EXOC6B: variants seen among roughly 807,000 people sequenced by gnomAD.
EXOC6B encodes SEC15 homolog B.
In EXOC6B, 54 loss-of-function variants were observed where a neutral mutation model predicts 113.5. The ratio of observed to expected loss-of-function variants is 0.48; its 90% confidence interval spans 0.38 to 0.60. The LOEUF is 0.60. Among genes scored for constraint, EXOC6B ranks in the 20% least tolerant of loss-of-function variants. The probability of loss-of-function intolerance (pLI) is 0.00; values close to 1 mark genes in which losing one functional copy is unlikely to be tolerated. For synonymous variants in EXOC6B, 357 were observed against 339.0 expected (o/e 1.05, Z -0.58); for missense variants, 797 against 977.5 (o/e 0.82, Z 2.46).
intron 1 of EXOC6B, among the ~76,000 whole-genome samples, chr2:72,809,307 A>C (rs1685749646): frequency 6.6e-6 from 1 of 152,222 alleles, no homozygotes; most frequent in Non-Finnish European, 1.5e-5. Context: ...TTTATAAAAC[A>C]ATACAAGTAT....
At chr2:72,635,597 A>G (rs1672760478) in intron 6 of EXOC6B, among the ~76,000 whole-genome samples, 1 of 152,226 alleles carries the variant, frequency 6.6e-6, no homozygotes, top group South Asian at 2.1e-4. Flanking sequence ...CTCCAGGTGC[A>G]TATGGTTTCA....
intron 8 of EXOC6B, among the ~76,000 whole-genome samples, chr2:72,534,019 G>A (rs1702150351): frequency 6.6e-6 from 1 of 152,158 alleles, no homozygotes; most frequent in East Asian, 1.9e-4. Context: ...AAACCATCAA[G>A]TGAATATTAG....
chr2:72,335,548 GCACACACACACACA>G (rs70963124), intron 19 of EXOC6B, among the ~76,000 whole-genome samples: 356 of 134,990 alleles, frequency 2.6e-3, no homozygotes, highest in African/African-American at 5.8e-3. Context: ...CTGCATTATT[GCACACACACACACA>G]CACACACACA....
chr2:72,323,549 G>A lies in EXOC6B; in HGVS notation c.2196+11398C>T, dbSNP rs150797489. ...ACACATACACGTGTATGTTTATTGC[G>A]GCACTATTCACAATAGCAAAGACTT... On this transcript the variant is annotated intron_variant, in intron 20 of 21. Coordinates refer to ENST00000272427, the MANE Select transcript of EXOC6B (RefSeq NM_015189.3). 6.6e-3 allele frequency among the ~76,000 whole-genome samples: 1,000 copies of A among 152,026 alleles called. 14 individuals are homozygous for A. Among genetic ancestry groups the A allele is most frequent in the African/African-American group, 0.023 (961 of 41,454 alleles).
At chr2:72,806,802 T>C (rs1252327068) in intron 1 of EXOC6B, among the ~76,000 whole-genome samples, 1 of 152,246 alleles carries the variant, frequency 6.6e-6, no homozygotes, top group Admixed American at 6.5e-5. Flanking sequence ...GCTTTTTTTT[T>C]TCATATGCTT....
At chr2:72,432,843 C>T (rs1314233247) in intron 18 of EXOC6B, among the ~76,000 whole-genome samples, 3 of 151,842 alleles carry the variant, frequency 2.0e-5, no homozygotes, top group Non-Finnish European at 4.4e-5. Context: ...CAAAAATTTT[C>T]TCCCATTCTG....
chr2:72,179,795 C>T (rs371555568), intron 21 of EXOC6B, among the ~76,000 whole-genome samples: 2 of 152,164 alleles, frequency 1.3e-5, no homozygotes, highest in East Asian at 1.9e-4. Context: ...CAGGGAACAG[C>T]TCTGCTGGTC....
intron 6 of EXOC6B, among the ~76,000 whole-genome samples, chr2:72,599,734 T>C (rs566626232): frequency 3.2e-4 from 48 of 152,218 alleles, no homozygotes; most frequent in African/African-American, 1.1e-3. Context: ...CAAAAGTCAG[T>C]TGCTTTACTA....
intron 1 of EXOC6B, among the ~76,000 whole-genome samples, chr2:72,819,103 A>G (rs992554023): frequency 6.6e-6 from 1 of 152,216 alleles, no homozygotes; most frequent in African/African-American, 2.4e-5. Context: ...ATTGCTCAAT[A>G]TTGAATGAAT....
At chr2:72,593,056 C>T (rs990453901) in intron 6 of EXOC6B, among the ~76,000 whole-genome samples, 3 of 151,806 alleles carry the variant, frequency 2.0e-5, no homozygotes, top group Admixed American at 6.6e-5. Flanking sequence ...ATGGAACCTC[C>T]AAAAAAACCG....
chr2:72,819,459 A>G (rs1013738894), intron 1 of EXOC6B, among the ~76,000 whole-genome samples: 1 of 152,160 alleles, frequency 6.6e-6, no homozygotes, highest in Non-Finnish European at 1.5e-5. Context: ...GTATATCACA[A>G]TCACCTGAAG....
At chr2:72,621,238 A>G (rs57192957) in intron 6 of EXOC6B, among the ~76,000 whole-genome samples, 33,127 of 152,114 alleles carry the variant, frequency 0.22, 5,907 homozygotes, top group African/African-American at 0.49. Context: ...ACAATAGTAA[A>G]GACATGGAAT....
chr2:72,304,482 C>T (rs6723136), intron 20 of EXOC6B, among the ~76,000 whole-genome samples: 37,252 of 152,064 alleles, frequency 0.24, 9,333 homozygotes, highest in African/African-American at 0.65. Context: ...CACTAGATAT[C>T]ATGGATTAAA....
In EXOC6B at chr2:72,825,827, A is replaced by G; in HGVS notation, c.84T>C (p.Thr28=). Reference sequence around the variant, plus strand: ...GCGTGGGCCCGATGCAGGCCGTGTCAGTGCTCTCGATCTCTCGCAGGATCC... The same window carrying G: ...GCGTGGGCCCGATGCAGGCCGTGTCGGTGCTCTCGATCTCTCGCAGGATCC... ...HERILREIES[T]DTACIGPTLR... Residue 28 remains threonine (T), a synonymous_variant, in exon 1 of 22, where the codon ACT becomes ACC. Coordinates refer to ENST00000272427, the MANE Select transcript of EXOC6B (RefSeq NM_015189.3). The surrounding 1 kb of genome is among the most constrained non-coding windows in gnomAD (Gnocchi z 4.4). The G allele has an allele frequency of 6.2e-7, 1 of 1,613,322 alleles. No individual in the cohort carries two copies. The highest frequency in any genetic ancestry group is 1.1e-5 in the South Asian group (1 of 91,082).
At chr2:72,741,602 G>A in intron 1 of EXOC6B, 133 bp from the exon 2 acceptor site, 1 of 648,478 alleles carries the variant, frequency 1.5e-6, no homozygotes. Context: ...ATGCCTTATT[G>A]TTAAATGAGT....
chr2:72,675,801 T>C (rs1370577695), intron 6 of EXOC6B, among the ~76,000 whole-genome samples: 1 of 151,736 alleles, frequency 6.6e-6, no homozygotes, highest in East Asian at 1.9e-4. Flanking sequence ...CTCAAAAATC[T>C]TTTTTAAAAA....
intron 8 of EXOC6B, among the ~76,000 whole-genome samples, chr2:72,533,975 C>A (rs1219039333): frequency 1.3e-5 from 2 of 152,080 alleles, no homozygotes; most frequent in African/African-American, 4.8e-5. Context: ...ATCCACTGAG[C>A]AGATAAATTA....
At chr2:72,569,239 A>C (rs1704378675) in intron 7 of EXOC6B, among the ~76,000 whole-genome samples, 1 of 152,126 alleles carries the variant, frequency 6.6e-6, no homozygotes, top group Admixed American at 6.6e-5. Flanking sequence ...GGATTAAGTG[A>C]TGGATGCTGG....
chr2:72,391,741 T>C (rs1028516343), intron 18 of EXOC6B, among the ~76,000 whole-genome samples: 1 of 152,156 alleles, frequency 6.6e-6, no homozygotes, highest in Non-Finnish European at 1.5e-5. Flanking sequence ...ATTCTTAACA[T>C]CAAAAATAAA....
Sources: gnomAD v4.1 joint callset for allele counts (sites outside exome capture counted in the v4.1 genomes callset) on GRCh38, gnomAD v4.1.1 for gene constraint, Gnocchi (gnomAD v3.1) non-coding constraint, MANE v1.5 for transcripts, NCBI Gene and HGNC (gene_info 2026-07-23, HGNC 2026-07-21) for gene names.